The following IL1RAPL2 variants were observed in gnomAD, a reference collection of about 807,000 sequenced individuals.
The protein encoded by IL1RAPL2 is X-linked interleukin-1 receptor accessory protein-like 2.
Under a neutral mutation model 44.1 loss-of-function variants are expected in IL1RAPL2, and 3 were observed. The ratio of observed to expected loss-of-function variants is 0.07; its 90% confidence interval spans 0.03 to 0.18. The LOEUF is 0.18. IL1RAPL2 is among the 10% of genes least tolerant of loss of function. IL1RAPL2 has a pLI of 1.00. For missense variants in IL1RAPL2, 391 were observed against 496.4 expected (o/e 0.79, Z 2.02); for synonymous variants, 181 against 178.8 (o/e 1.01, Z -0.10).
chrX:105,687,340 TAAAG>T (rs1041198216), intron 6 of IL1RAPL2, among the ~76,000 whole-genome samples: 1 of 106,674 alleles, frequency 9.4e-6, no homozygotes, highest in African/African-American at 3.4e-5. Flanking sequence ...GCAAGACAAA[TAAAG>T]AAGAAAAGAG....
intron 2 of IL1RAPL2, among the ~76,000 whole-genome samples, chrX:104,825,346 G>T (rs1921424221): frequency 8.9e-6 from 1 of 112,243 alleles, no homozygotes; most frequent in Non-Finnish European, 1.9e-5. Flanking sequence ...CAAACTGTCT[G>T]TGAAACTTTT....
intron 2 of IL1RAPL2, among the ~76,000 whole-genome samples, chrX:104,676,328 G>A (rs1930756584): frequency 9.0e-6 from 1 of 111,307 alleles, no homozygotes; most frequent in African/African-American, 3.3e-5. Flanking sequence ...TTGCTTGTCT[G>A]TAAAGGATTT....
intron 2 of IL1RAPL2, among the ~76,000 whole-genome samples, chrX:104,717,644 G>C (rs1418067172): frequency 9.2e-6 from 1 of 108,712 alleles, no homozygotes; most frequent in Non-Finnish European, 1.9e-5. Context: ...AAGTTTTAGG[G>C]TACATGTGTA....
At chrX:104,592,867 T>C (rs762351910) in intron 1 of IL1RAPL2, among the ~76,000 whole-genome samples, 1 of 111,965 alleles carries the variant, frequency 8.9e-6, no homozygotes, top group East Asian at 2.8e-4. Flanking sequence ...ATTTCATCTT[T>C]CATGAACATT....
intron 10 of IL1RAPL2, 104 bp from the exon 11 acceptor site, chrX:105,766,860 C>A: frequency 1.9e-6 from 1 of 520,658 alleles, no homozygotes; most frequent in Non-Finnish European, 3.2e-6. Context: ...ATGTGATGGA[C>A]TTTAGTGAGA....
intron 2 of IL1RAPL2, among the ~76,000 whole-genome samples, chrX:104,662,163 G>C (rs1342094941): frequency 8.9e-6 from 1 of 111,735 alleles, no homozygotes. Context: ...TCTACTCTGG[G>C]CACATATTGG....
chrX:105,307,747 C>G (rs747001624), intron 5 of IL1RAPL2, among the ~76,000 whole-genome samples: 3 of 93,207 alleles, frequency 3.2e-5, no homozygotes, highest in Non-Finnish European at 4.1e-5. Flanking sequence ...TACTGTAACT[C>G]TTTTTTATTC....
At chrX:105,192,518 A>G (rs6621942) in intron 2 of IL1RAPL2, among the ~76,000 whole-genome samples, 1,953 of 111,464 alleles carry the variant, frequency 0.018, 50 homozygotes, top group African/African-American at 0.059. Context: ...TATTAAGAAT[A>G]GCAATCCAAT....
intron 5 of IL1RAPL2, among the ~76,000 whole-genome samples, chrX:105,442,335 A>G (rs924997338): frequency 3.6e-5 from 4 of 111,149 alleles, no homozygotes; most frequent in African/African-American, 1.3e-4. Context: ...AAGTGCTGGG[A>G]TTACAGGTGT....
chrX:104,759,759 G>T (rs962264860), intron 2 of IL1RAPL2, among the ~76,000 whole-genome samples: 1 of 111,512 alleles, frequency 9.0e-6, no homozygotes, highest in African/African-American at 3.3e-5. Context: ...TCAACTCATG[G>T]AAAATGGGGT....
At chrX:105,346,761 A>C (rs1331875503) in intron 5 of IL1RAPL2, among the ~76,000 whole-genome samples, 2 of 111,958 alleles carry the variant, frequency 1.8e-5, no homozygotes, top group African/African-American at 6.5e-5. Context: ...AAGCAGCTTA[A>C]GTATTAAGGG....
At chrX:104,923,093 A>T (rs1288983879) in intron 2 of IL1RAPL2, among the ~76,000 whole-genome samples, 5 of 111,916 alleles carry the variant, frequency 4.5e-5, no homozygotes, top group African/African-American at 9.7e-5. Context: ...GAATTAACCC[A>T]GTCAAAAACA....
intron 2 of IL1RAPL2, among the ~76,000 whole-genome samples, chrX:105,135,205 T>A (rs1010878564): frequency 1.8e-5 from 2 of 111,579 alleles, no homozygotes; most frequent in Non-Finnish European, 3.8e-5. Flanking sequence ...GCATGAGAAA[T>A]CTCATCCTCA....
At chrX:105,223,149 CA>C (rs72008975) in intron 3 of IL1RAPL2, among the ~76,000 whole-genome samples, 2,508 of 67,068 alleles carry the variant, frequency 0.037, 69 homozygotes, top group African/African-American at 0.088. Context: ...GATTCAGTCT[CA>C]AAAAAAAAAA....
chrX:105,544,532 A>G (rs1351497411), intron 6 of IL1RAPL2, among the ~76,000 whole-genome samples: 2 of 111,305 alleles, frequency 1.8e-5, no homozygotes, highest in Non-Finnish European at 3.8e-5. Flanking sequence ...CAGTATGGTT[A>G]CTGGCTGCAT....
At chrX:105,270,648 G>A (rs950510953) in intron 5 of IL1RAPL2, among the ~76,000 whole-genome samples, 1 of 111,845 alleles carries the variant, frequency 8.9e-6, no homozygotes, top group Non-Finnish European at 1.9e-5. Context: ...TGGCTACTTG[G>A]TATGGAAGTT....
At chrX:104,923,663 A>G (rs992152738) in intron 2 of IL1RAPL2, among the ~76,000 whole-genome samples, 4 of 111,785 alleles carry the variant, frequency 3.6e-5, no homozygotes, top group African/African-American at 1.3e-4. Context: ...TGTGATAAAC[A>G]TGGAAACAAA....
chrX:105,149,407 G>A (rs1025403823), intron 2 of IL1RAPL2, among the ~76,000 whole-genome samples: 2 of 112,057 alleles, frequency 1.8e-5, no homozygotes, highest in African/African-American at 6.5e-5. Context: ...TTAGGTATAT[G>A]ACAATGAATA....
chrX:104,638,836 G>A (rs1273912723), intron 1 of IL1RAPL2, among the ~76,000 whole-genome samples: 1 of 112,268 alleles, frequency 8.9e-6, no homozygotes, highest in Non-Finnish European at 1.9e-5. Context: ...GTATTCTGAA[G>A]TTGCTGGACA....
Sources: allele counts gnomAD v4.1 joint callset (sites outside exome capture counted in the v4.1 genomes callset), GRCh38; gene constraint gnomAD v4.1.1; transcripts MANE v1.5; gene names NCBI Gene and HGNC (gene_info 2026-07-23, HGNC 2026-07-21).